The following SCAPER variants were observed in gnomAD, a reference collection of about 807,000 sequenced individuals.
The protein encoded by SCAPER is S-phase cyclin A associated protein in the ER.
SCAPER carries 98 observed loss-of-function variants against 182.2 expected under a neutral mutation model. That is an observed-to-expected ratio of 0.54 (90% CI 0.46 to 0.64). The LOEUF (loss-of-function observed/expected upper bound fraction) is 0.64. Ranked by LOEUF, SCAPER falls within the 30% of genes least tolerant of loss-of-function variation. The pLI, the probability that SCAPER is intolerant of heterozygous loss-of-function variation, is 0.00. For synonymous variants in SCAPER, 605 were observed against 564.6 expected (o/e 1.07, Z -1.01); for missense variants, 1,432 against 1,690.0 (o/e 0.85, Z 2.68).
At chr15:76,362,054 C>T (rs1350969825) in intron 29 of SCAPER, among the ~76,000 whole-genome samples, 1 of 151,622 alleles carries the variant, frequency 6.6e-6, no homozygotes, top group East Asian at 2.0e-4. Context: ...CTCACTGCAA[C>T]ATCCACCTCC....
chr15:76,726,812 C>T lies in SCAPER; in HGVS notation c.2165+1783G>A, dbSNP rs529328905. Among the ~76,000 whole-genome samples, 10 of 151,890 alleles carry T rather than the reference C, an allele frequency of 6.6e-5. No homozygotes were observed. In the East Asian group the frequency reaches 1.5e-3, roughly 23 times the overall value. ...TTCATAGAAACAGAAAGTAGCATGA[C>T]GATTGTCAGAGGCAAGTGGGGGTAT... On this transcript the variant is annotated intron_variant, in intron 17 of 31. Transcript: ENST00000563290.
intron 26 of SCAPER, among the ~76,000 whole-genome samples, chr15:76,431,458 T>A (rs539287510): frequency 2.0e-5 from 3 of 151,772 alleles, no homozygotes; most frequent in Non-Finnish European, 4.4e-5. Context: ...TTCCTACCTC[T>A]CCTATGCCAG....
chr15:76,370,291 ATTTTTTTTT>A lies in SCAPER; in HGVS notation c.3855+5862_3855+5870del, dbSNP rs10524497. 3.4e-3 allele frequency among the ~76,000 whole-genome samples: 409 copies of A among 119,404 alleles called. 4 individuals carry two copies. Among genetic ancestry groups the A allele is most frequent in the East Asian group, 0.014 (56 of 4,102 alleles). 78.3% of individuals were successfully genotyped at this position (119,404 alleles called of 152,430 possible). On this transcript the variant is annotated intron_variant, in intron 29 of 31. Coordinates refer to ENST00000563290, the MANE Select transcript of SCAPER (RefSeq NM_020843.4). ...GTATAACATATAATTTACCATTTCA[ATTTTTTTTT>A]TTTTTTTTTTTTTTTTGTTTTAAAG...
At chr15:76,436,139 C>T (rs977725622) in intron 25 of SCAPER, among the ~76,000 whole-genome samples, 3 of 152,166 alleles carry the variant, frequency 2.0e-5, no homozygotes, top group African/African-American at 7.2e-5. Context: ...ACGATCTCAG[C>T]TCTCTGCAAC....
At chr15:76,359,817 C>G (rs1454920351) in intron 29 of SCAPER, among the ~76,000 whole-genome samples, 1 of 152,192 alleles carries the variant, frequency 6.6e-6, no homozygotes, top group Non-Finnish European at 1.5e-5. Flanking sequence ...CTCCATTGCT[C>G]TGCTGGGGGC....
intron 5 of SCAPER, among the ~76,000 whole-genome samples, chr15:76,807,348 T>C (rs1287545545): frequency 6.6e-6 from 1 of 152,184 alleles, no homozygotes; most frequent in Non-Finnish European, 1.5e-5. Context: ...TTCTATTATG[T>C]TTATTGATTT....
chr15:76,765,135 GTTC>G (rs1377807917), intron 13 of SCAPER, 63 bp from the exon 14 acceptor site: 2 of 1,260,452 alleles, frequency 1.6e-6, no homozygotes, highest in African/African-American at 3.0e-5. Context: ...CAGAAAAAGT[GTTC>G]TTTAGACTTC....
At chr15:76,627,363 AT>A (rs1004600284) in intron 21 of SCAPER, among the ~76,000 whole-genome samples, 3 of 151,780 alleles carry the variant, frequency 2.0e-5, no homozygotes, top group African/African-American at 7.3e-5. Flanking sequence ...CTTTTTTTCC[AT>A]GGGGGTGCAC....
chr15:76,756,098 G>T (rs765423539), intron 14 of SCAPER, among the ~76,000 whole-genome samples: 1 of 152,022 alleles, frequency 6.6e-6, no homozygotes, highest in Non-Finnish European at 1.5e-5. Flanking sequence ...TAAAAAATTA[G>T]CCAGGTGTGG....
At chr15:76,576,427 C>T (rs144410071) in intron 22 of SCAPER, among the ~76,000 whole-genome samples, 2 of 152,238 alleles carry the variant, frequency 1.3e-5, no homozygotes, top group African/African-American at 4.8e-5. Flanking sequence ...CTTATTTAAT[C>T]CTCTCAACAA....
rs1021704148 is a variant in SCAPER, at chr15:76,764,931, A to G, written c.1725+30T>C. 1.2e-5 allele frequency: 16 copies of G among 1,363,852 alleles called. No homozygotes were observed. In the Admixed American group the frequency reaches 3.2e-4, roughly 28 times the overall value. 84.5% of individuals were successfully genotyped at this position (1,363,852 alleles called of 1,614,324 possible). On this transcript the variant is annotated intron_variant, in intron 14 of 31. Coordinates refer to ENST00000563290, the MANE Select transcript of SCAPER (RefSeq NM_020843.4). ...AAAATAAGCCCAGCAACTTCAGACT[A>G]TCATAATTTCCTAAAAAATAAAAAC...
At chr15:76,365,608 A>G (rs1203250078) in intron 29 of SCAPER, among the ~76,000 whole-genome samples, 2 of 152,224 alleles carry the variant, frequency 1.3e-5, no homozygotes, top group Admixed American at 1.3e-4. Context: ...GACCTTGTAA[A>G]TTATACAGAC....
chr15:76,753,711 T>C (rs911349785), intron 15 of SCAPER, 97 bp downstream of exon 15: 5 of 1,365,802 alleles, frequency 3.7e-6, no homozygotes, highest in Admixed American at 4.4e-5. Context: ...TACAACAGAA[T>C]AAACATTGGA....
Position 76,723,290 on chromosome 15 carries a change from G to C in SCAPER, c.2165+5305C>G, listed in dbSNP as rs558495030. ...CTAGTTTGATTGCACTGTGGTCTGA[G>C]AGACAGTTTGTTATAATTTCTCTTC... On this transcript the variant is annotated intron_variant, in intron 17 of 31. Coordinates refer to ENST00000563290, the MANE Select transcript of SCAPER (RefSeq NM_020843.4). Among the ~76,000 whole-genome samples, 31 of 152,294 alleles carry C rather than the reference G, an allele frequency of 2.0e-4. No homozygotes were observed. In the East Asian group the frequency reaches 4.6e-3, roughly 23 times the overall value.
At chr15:76,838,590 C>G (rs956861781) in intron 5 of SCAPER, among the ~76,000 whole-genome samples, 2 of 152,202 alleles carry the variant, frequency 1.3e-5, no homozygotes, top group Non-Finnish European at 2.9e-5. Context: ...CCAGCTGGCA[C>G]AGGCTACTCC....
chr15:76,780,697 A>C (rs933953312), intron 8 of SCAPER, among the ~76,000 whole-genome samples: 1 of 152,212 alleles, frequency 6.6e-6, no homozygotes, highest in African/African-American at 2.4e-5. Context: ...ATCAGGCAGC[A>C]ATACTTGCTG....
In SCAPER at chr15:76,767,063, T is replaced by C; in HGVS notation, c.1274A>G (p.Lys425Arg). The change falls in exon 11 of 32, where the codon AAA becomes AGA. Residue 425 changes from lysine to arginine, a missense_variant. Coordinates refer to ENST00000563290, the MANE Select transcript of SCAPER (RefSeq NM_020843.4). ...SNSMAEVLAKKEELADRLEKA... is the reference protein window; with the variant it reads ...SNSMAEVLAKREELADRLEKA... The stretch of plus-strand genomic sequence containing the variant: ...TTCTAGACGATCTGCTAGCTCTTCT[T>C]TTTTAGCAAGGACTTCTGCCATGGA... 1 of 1,595,718 alleles carries C rather than the reference T, an allele frequency of 6.3e-7. No homozygotes were observed. Among genetic ancestry groups the C allele is most frequent in the Non-Finnish European group, 8.5e-7 (1 of 1,170,434 alleles).
intron 24 of SCAPER, among the ~76,000 whole-genome samples, chr15:76,495,248 GT>G (rs983279676): frequency 1.5e-4 from 23 of 151,846 alleles, no homozygotes; most frequent in Non-Finnish European, 3.1e-4. Context: ...CCGGAATGAA[GT>G]TTTGCATTTC....
At chr15:76,775,421 TTA>T (rs1303814440) in intron 8 of SCAPER, among the ~76,000 whole-genome samples, 2 of 152,180 alleles carry the variant, frequency 1.3e-5, no homozygotes, top group Non-Finnish European at 2.9e-5. Flanking sequence ...GCTTTATATA[TTA>T]TATCTCTTTT....
Sources: gnomAD v4.1 joint callset for allele counts (sites outside exome capture counted in the v4.1 genomes callset) on GRCh38, gnomAD v4.1.1 for gene constraint, MANE v1.5 for transcripts, NCBI Gene and HGNC (gene_info 2026-07-23, HGNC 2026-07-21) for gene names.